The following STX18 variants were observed in gnomAD, a reference collection of about 807,000 sequenced individuals.
The protein encoded by STX18 is syntaxin 18, also known as syntaxin-18.
In STX18, 40 loss-of-function variants were observed where a neutral mutation model predicts 50.1. The observed-to-expected ratio is 0.80, with a 90% CI of 0.62 to 1.04. STX18 has a LOEUF of 1.04. STX18 is among the 50% of genes least tolerant of loss of function. The pLI is 0.00. For missense variants in STX18, 410 were observed against 415.8 expected, an observed-to-expected ratio of 0.99 and a Z score of 0.12; for synonymous variants, 158 against 151.8, an observed-to-expected ratio of 1.04 and a Z score of -0.30.
At chr4:4,500,721 A>C (rs191104921) in intron 1 of STX18, among the ~76,000 whole-genome samples, 4 of 152,234 alleles carry the variant, frequency 2.6e-5, no homozygotes, top group Non-Finnish European at 4.4e-5. Context: ...CAATGGCTAC[A>C]TAACATTTCA....
At chr4:4,502,351 A>G (rs1729496652) in intron 1 of STX18, among the ~76,000 whole-genome samples, 1 of 152,234 alleles carries the variant, frequency 6.6e-6, no homozygotes, top group African/African-American at 2.4e-5. Flanking sequence ...AAACAGAGAA[A>G]AAGAATTTAG....
chr4:4,521,802 G>T (rs1319025903), intron 1 of STX18, among the ~76,000 whole-genome samples: 2 of 152,018 alleles, frequency 1.3e-5, no homozygotes, highest in African/African-American at 4.8e-5. Context: ...TTTCTTTCTT[G>T]ATGTTTTACC....
chr4:4,424,078 G>C (rs1323835577), intron 8 of STX18, among the ~76,000 whole-genome samples: 1 of 151,802 alleles, frequency 6.6e-6, no homozygotes, highest in Non-Finnish European at 1.5e-5. Context: ...CCAACTCCCT[G>C]TTCCAAGAAA....
intron 5 of STX18, among the ~76,000 whole-genome samples, chr4:4,447,463 C>T (rs1372040880): frequency 2.0e-5 from 3 of 151,290 alleles, no homozygotes; most frequent in Admixed American, 6.6e-5. Context: ...TGGTAGCGGG[C>T]GCCTGTAGTC....
rs1167821555 is a variant in STX18, at chr4:4,419,024, C to T, written c.*1010G>A. 6.6e-6 allele frequency: 1 copy of T among 152,272 alleles called. No homozygotes were observed. Among genetic ancestry groups the T allele is most frequent in the Non-Finnish European group, 1.5e-5 (1 of 68,066 alleles). 9.4% of individuals were successfully genotyped at this position (152,272 alleles called of 1,614,324 possible). A position where few individuals can be genotyped will look rare whatever the true frequency, so the allele number is the denominator to read the frequency against. ...GAATTCATTTACATGTAACTTCTGA[C>T]ATTTCACTCTGTGCAAATAAAGAAC... On this transcript the variant is annotated 3_prime_UTR_variant, in exon 11 of 11. Transcript: ENST00000306200.
chr4:4,484,105 G>T (rs1049189761), intron 1 of STX18, among the ~76,000 whole-genome samples: 3 of 151,962 alleles, frequency 2.0e-5, no homozygotes, highest in Admixed American at 6.6e-5. Flanking sequence ...CTCGTGATCC[G>T]CCCGCCTTGG....
intron 1 of STX18, among the ~76,000 whole-genome samples, chr4:4,525,491 G>A (rs1336618126): frequency 1.2e-4 from 19 of 152,182 alleles, no homozygotes; most frequent in Admixed American, 1.2e-3. Context: ...TATTTGAGGT[G>A]TGCCTTCTGT....
intron 1 of STX18, among the ~76,000 whole-genome samples, chr4:4,530,962 C>T (rs936764895): frequency 6.6e-6 from 1 of 152,130 alleles, no homozygotes; most frequent in Admixed American, 6.5e-5. Context: ...CAACATTCAT[C>T]TTCATTTTCT....
chr4:4,531,470 T>C (rs1731093452), intron 1 of STX18, among the ~76,000 whole-genome samples: 1 of 152,214 alleles, frequency 6.6e-6, no homozygotes, highest in African/African-American at 2.4e-5. Context: ...TTCTAAATGG[T>C]TATTAATTAA....
At position 4,420,726 on chromosome 4, in the gene STX18, C is replaced by T. The variant is rs1272503701; in HGVS notation, c.912+138G>A. ...GGTCTCATGAACACACGCAGCTCCG[C>T]GGTCACACAATTTTGTGATCAGCCC... On this transcript the variant is annotated intron_variant, in intron 10 of 10. Coordinates refer to ENST00000306200, the MANE Select transcript of STX18 (RefSeq NM_016930.4). This position sits in a 1 kb window ranked among gnomAD's most constrained non-coding sequence, Gnocchi z 4.3. 2.2e-5 allele frequency: 17 copies of T among 756,304 alleles called. No individual in the cohort carries two copies. Among genetic ancestry groups the T allele is most frequent in the South Asian group, 5.0e-5 (3 of 60,526 alleles). The allele number at this position is 756,304 out of a possible 1,614,324, so 46.8% of individuals were successfully genotyped here. A position where few individuals can be genotyped will look rare whatever the true frequency, so the allele number is the denominator to read the frequency against.
rs1045894333 is a variant in STX18 at position 4,421,894 on chromosome 4, G to A, written c.832-950C>T. 6.6e-5 allele frequency among the ~76,000 whole-genome samples: 10 copies of A among 152,312 alleles called. No homozygotes were observed. In the East Asian group the frequency reaches 1.5e-3, roughly 24 times the overall value. ...CGAAGCCTTGAAAAGCTTGAGAAGC[G>A]TGGGATAACACAGGGGGCGTCTGGC... On this transcript the variant is annotated intron_variant, in intron 9 of 10. Transcript: ENST00000306200.
chr4:4,476,501 A>G (rs1400816848), intron 1 of STX18, among the ~76,000 whole-genome samples: 1 of 152,208 alleles, frequency 6.6e-6, no homozygotes, highest in Non-Finnish European at 1.5e-5. Context: ...CAGTACTGTT[A>G]AATTAATAAA....
intron 5 of STX18, among the ~76,000 whole-genome samples, chr4:4,443,458 A>G (rs1269035075): frequency 1.3e-5 from 2 of 152,270 alleles, no homozygotes; most frequent in African/African-American, 4.8e-5. Flanking sequence ...TTTATGATGA[A>G]AGCCTAAGTG....
chr4:4,432,383 A>C (rs1725561792), intron 7 of STX18, among the ~76,000 whole-genome samples: 1 of 152,274 alleles, frequency 6.6e-6, no homozygotes, highest in Non-Finnish European at 1.5e-5. Flanking sequence ...TGCATGCCAC[A>C]GTCCTTCCCT....
At chr4:4,484,459 A>T (rs997677290) in intron 1 of STX18, among the ~76,000 whole-genome samples, 2 of 152,188 alleles carry the variant, frequency 1.3e-5, no homozygotes, top group Non-Finnish European at 2.9e-5. Flanking sequence ...CTAGGTCTTC[A>T]TTATATGCAC....
At chr4:4,443,059 TC>T (rs1439971746) in intron 5 of STX18, among the ~76,000 whole-genome samples, 1 of 152,208 alleles carries the variant, frequency 6.6e-6, no homozygotes, top group African/African-American at 2.4e-5. Context: ...AGTAGGCACT[TC>T]CGTATATTGA....
At chr4:4,472,102 C>T (rs966682298) in intron 1 of STX18, among the ~76,000 whole-genome samples, 3 of 152,184 alleles carry the variant, frequency 2.0e-5, no homozygotes, top group African/African-American at 7.2e-5. Flanking sequence ...AAAGCTGAAG[C>T]TGTTGCGTTT....
At chr4:4,440,738 C>A (rs1280410985) in intron 5 of STX18, among the ~76,000 whole-genome samples, 2 of 152,154 alleles carry the variant, frequency 1.3e-5, no homozygotes, top group African/African-American at 4.8e-5. Flanking sequence ...AGGAAATGGT[C>A]CTCTACAAAA....
intron 1 of STX18, among the ~76,000 whole-genome samples, chr4:4,488,754 C>T (rs1040680039): frequency 6.6e-5 from 10 of 152,176 alleles, no homozygotes; most frequent in Non-Finnish European, 1.5e-4. Flanking sequence ...TAATCTGAAA[C>T]TCAAAAGAGC....
Sources: allele counts gnomAD v4.1 joint callset (sites outside exome capture counted in the v4.1 genomes callset), GRCh38; gene constraint gnomAD v4.1.1; non-coding constraint Gnocchi (gnomAD v3.1); transcripts MANE v1.5; gene names NCBI Gene and HGNC (gene_info 2026-07-23, HGNC 2026-07-21).